PPP2R3A: variants seen among roughly 807,000 people sequenced by gnomAD.
The protein encoded by PPP2R3A is protein phosphatase 2 regulatory subunit B''alpha, also known as serine/threonine-protein phosphatase 2A regulatory subunit B'' subunit alpha.
Under a neutral mutation model 106.9 loss-of-function variants are expected in PPP2R3A, and 80 were observed. That is an observed-to-expected ratio of 0.75 (90% CI 0.62 to 0.90). The LOEUF (loss-of-function observed/expected upper bound fraction) is 0.90. Ranked by LOEUF, PPP2R3A falls within the 40% of genes least tolerant of loss-of-function variation. The pLI is 0.00. For missense variants in PPP2R3A, 1,386 were observed against 1,350.4 expected (o/e 1.03, Z -0.41); for synonymous variants, 483 against 468.3 (o/e 1.03, Z -0.41).
chr3:136,093,179 C>T (rs1395862426), intron 10 of PPP2R3A, among the ~76,000 whole-genome samples: 3 of 152,164 alleles, frequency 2.0e-5, no homozygotes, highest in Non-Finnish European at 2.9e-5. Flanking sequence ...GAGGCCAAGG[C>T]AGGTGGATTG....
chr3:136,082,458 T>G (rs777268331), intron 8 of PPP2R3A, 37 bp downstream of exon 8: 3 of 1,587,082 alleles, frequency 1.9e-6, no homozygotes, highest in Non-Finnish European at 2.6e-6. Flanking sequence ...TTAACCATTT[T>G]AAAGAGTTAT....
At chr3:135,991,735 G>T (rs1933172470) in intron 1 of PPP2R3A, among the ~76,000 whole-genome samples, 1 of 152,164 alleles carries the variant, frequency 6.6e-6, no homozygotes, top group African/African-American at 2.4e-5. Context: ...CCCTGTGAGG[G>T]AAGTGACTTG....
At chr3:136,089,480 A>G (rs1937038566) in intron 9 of PPP2R3A, among the ~76,000 whole-genome samples, 1 of 152,016 alleles carries the variant, frequency 6.6e-6, no homozygotes, top group Non-Finnish European at 1.5e-5. Context: ...TTTTGGATAC[A>G]GTAGCCTTAT....
At chr3:136,041,091 T>C (rs1393360465) in intron 4 of PPP2R3A, 129 bp downstream of exon 4, 1 of 660,244 alleles carries the variant, frequency 1.5e-6, no homozygotes, top group African/African-American at 1.9e-5. Flanking sequence ...ACAAGGAAAA[T>C]TCAATGATTT....
chr3:136,080,300 A>G (rs573013732), intron 7 of PPP2R3A, among the ~76,000 whole-genome samples: 1 of 152,272 alleles, frequency 6.6e-6, no homozygotes, highest in African/African-American at 2.4e-5. Flanking sequence ...TCGTTTTCAG[A>G]TTTCCTCTAT....
At chr3:136,077,952 A>C (rs1051827488) in intron 6 of PPP2R3A, among the ~76,000 whole-genome samples, 1 of 152,210 alleles carries the variant, frequency 6.6e-6, no homozygotes, top group African/African-American at 2.4e-5. Flanking sequence ...GGCCCTCTTG[A>C]ATCATACCAC....
intron 13 of PPP2R3A, among the ~76,000 whole-genome samples, chr3:136,136,062 A>ATT (rs1938602169): frequency 1.7e-5 from 1 of 58,184 alleles, no homozygotes; most frequent in Non-Finnish European, 4.4e-5. Flanking sequence ...AAAAAAAAAA[A>ATT]AAAAAAAAAA....
intron 13 of PPP2R3A, among the ~76,000 whole-genome samples, chr3:136,113,402 T>C (rs928931378): frequency 1.3e-5 from 2 of 152,162 alleles, no homozygotes; most frequent in African/African-American, 4.8e-5. Context: ...AACTCCCTAT[T>C]CAATAAATGG....
intron 13 of PPP2R3A, among the ~76,000 whole-genome samples, chr3:136,143,684 G>A (rs1248085706): frequency 6.6e-6 from 1 of 151,904 alleles, no homozygotes; most frequent in Non-Finnish European, 1.5e-5. Flanking sequence ...CCAGCTACTC[G>A]GGAGGCTGAG....
chr3:136,049,963 C>A (rs1346749866), intron 5 of PPP2R3A, among the ~76,000 whole-genome samples: 2 of 152,084 alleles, frequency 1.3e-5, no homozygotes, highest in Non-Finnish European at 1.5e-5. Context: ...ACAGACTACA[C>A]CACCAGACTA....
At position 136,144,414 on chromosome 3, in the gene PPP2R3A, A is replaced by C. The variant is rs558199779; in HGVS notation, c.3330-629A>C. ...AGTGGCTCAAGCCTGTAATCCCAGC[A>C]CTTTGAGAGGCCAAAGTGGGCAGAT... On this transcript the variant is annotated intron_variant, in intron 13 of 13. Transcript: ENST00000264977. Among the ~76,000 whole-genome samples the C allele has an allele frequency of 5.3e-5, 8 of 152,254 alleles. No individual in the cohort carries two copies. In the East Asian group the frequency reaches 1.5e-3, roughly 29 times the overall value.
At chr3:136,066,605 C>A (rs1295445067) in intron 5 of PPP2R3A, among the ~76,000 whole-genome samples, 1 of 152,106 alleles carries the variant, frequency 6.6e-6, no homozygotes, top group African/African-American at 2.4e-5. Flanking sequence ...ACGGTGAAGC[C>A]TCGGAGTTTT....
chr3:136,007,767 A>T (rs1933900390), intron 2 of PPP2R3A, among the ~76,000 whole-genome samples: 3 of 152,194 alleles, frequency 2.0e-5, no homozygotes, highest in Non-Finnish European at 1.5e-5. Flanking sequence ...ATACCTATAT[A>T]TTCATTGTCC....
intron 13 of PPP2R3A, 49 bp downstream of exon 13, chr3:136,106,371 T>A: frequency 7.0e-7 from 1 of 1,428,076 alleles, no homozygotes; most frequent in Non-Finnish European, 9.8e-7. Flanking sequence ...GGAATGCGCA[T>A]GTCCAGAGTA....
chr3:136,115,489 C>T (rs1559928876), intron 13 of PPP2R3A, among the ~76,000 whole-genome samples: 1 of 151,840 alleles, frequency 6.6e-6, no homozygotes, highest in Non-Finnish European at 1.5e-5. Flanking sequence ...TGCAAGGAAG[C>T]TAAGAACCTT....
chr3:136,132,415 A>G (rs1274347316), intron 13 of PPP2R3A, among the ~76,000 whole-genome samples: 1 of 152,172 alleles, frequency 6.6e-6, no homozygotes, highest in African/African-American at 2.4e-5. Context: ...AATTAGCACA[A>G]TCTCAGAATA....
intron 13 of PPP2R3A, among the ~76,000 whole-genome samples, chr3:136,137,763 G>A (rs1016415461): frequency 3.9e-5 from 6 of 151,932 alleles, no homozygotes; most frequent in South Asian, 2.1e-4. Flanking sequence ...GGACGATCTC[G>A]ATCTCCTGAC....
Position 136,002,967 on chromosome 3 carries a change from C to G in PPP2R3A, c.1469C>G (p.Ser490Cys), listed in dbSNP as rs765144313. ...AAGGAAGACTGTAAATCAAAAGTTT[C>G]TAAATTTGAAGAGGGAGACCAGAGA... ...LPKEDCKSKVSKFEEGDQRDF... is the reference protein window; with the variant it reads ...LPKEDCKSKVCKFEEGDQRDF... The change falls in exon 2 of 14, where the codon TCT (serine) becomes TGT (cysteine). Residue 490 changes from serine to cysteine, a missense_variant. Coordinates refer to ENST00000264977, the MANE Select transcript of PPP2R3A (RefSeq NM_002718.5). The G allele has an allele frequency of 3.7e-6, 6 of 1,612,564 alleles. 1 individual carries two copies. In the South Asian group the frequency reaches 5.5e-5, roughly 15 times the overall value.
At chr3:135,983,191 T>C (rs1937561921) in intron 1 of PPP2R3A, among the ~76,000 whole-genome samples, 1 of 152,220 alleles carries the variant, frequency 6.6e-6, no homozygotes, top group South Asian at 2.1e-4. Context: ...ATTTTCTTCT[T>C]ACAGATATTT....
Sources: gnomAD v4.1 joint callset for allele counts (sites outside exome capture counted in the v4.1 genomes callset) on GRCh38, gnomAD v4.1.1 for gene constraint, MANE v1.5 for transcripts, NCBI Gene and HGNC (gene_info 2026-07-23, HGNC 2026-07-21) for gene names.